Variants in ST8SIA4 observed in about 807,000 individuals in gnomAD.
The protein encoded by ST8SIA4 is CMP-N-acetylneuraminate-poly-alpha-2,8-sialyltransferase.
A neutral mutation model predicts 33.9 loss-of-function variants in ST8SIA4; 15 were observed. The observed-to-expected ratio is 0.44, with a 90% CI of 0.30 to 0.68. The LOEUF is 0.68. ST8SIA4 is among the 30% of genes least tolerant of loss of function. The pLI is 0.10. For synonymous variants in ST8SIA4, 171 were observed against 151.2 expected (o/e 1.13, Z -0.96); for missense variants, 321 against 428.0 (o/e 0.75, Z 2.21).
At position 100,826,129 on chromosome 5, in the gene ST8SIA4, A is replaced by ATT. The variant is rs5869927; in HGVS notation, c.798-14002_798-14001dup. 5.7e-3 allele frequency among the ~76,000 whole-genome samples: 861 copies of ATT among 151,126 alleles called. 4 individuals are homozygous for ATT. The highest frequency in any genetic ancestry group is 9.4e-3 in the Non-Finnish European group (639 of 67,692). On this transcript the variant is annotated intron_variant, in intron 4 of 4. Coordinates refer to ENST00000231461, the MANE Select transcript of ST8SIA4 (RefSeq NM_005668.6). ...CTTTTGGTTGGTTTGGAGCAACTTA[A>ATT]TTTTTTTTTATTATTATGTGGTTCT...
rs184803888 is a variant in ST8SIA4, at chr5:100,849,897, C to A, written c.797+6206G>T. On this transcript the variant is annotated intron_variant, in intron 4 of 4. Coordinates refer to ENST00000231461, the MANE Select transcript of ST8SIA4 (RefSeq NM_005668.6). ...AGTATTTCTAATAAAAACAAAAATTCTTAATTCCAGGCAAATCTAAGGCAG... is the reference window on the plus strand; with the variant it reads ...AGTATTTCTAATAAAAACAAAAATTATTAATTCCAGGCAAATCTAAGGCAG... Among the ~76,000 whole-genome samples, 393 of 152,264 alleles carry A rather than the reference C, an allele frequency of 2.6e-3. 2 individuals are homozygous for A. The highest frequency in any genetic ancestry group is 9.0e-3 in the African/African-American group (372 of 41,564).
At chr5:100,864,549 T>A (rs1191238609) in intron 3 of ST8SIA4, among the ~76,000 whole-genome samples, 1 of 122,252 alleles carries the variant, frequency 8.2e-6, no homozygotes, top group African/African-American at 3.4e-5. Context: ...GACTCCAGCC[T>A]GGGTGACAGA....
chr5:100,903,079 G>T lies in ST8SIA4; in HGVS notation c.-124C>A. ...AAAATGCGAGGAGAGCTTGGAGCCGGGATCCCGGGATCAGATCACTGGGGT... is the reference window on the plus strand; with the variant it reads ...AAAATGCGAGGAGAGCTTGGAGCCGTGATCCCGGGATCAGATCACTGGGGT... On this transcript the variant is annotated 5_prime_UTR_variant, in exon 1 of 5. Coordinates refer to ENST00000231461, the MANE Select transcript of ST8SIA4 (RefSeq NM_005668.6). The T allele has an allele frequency of 1.5e-6, 1 of 678,308 alleles. No individual in the cohort carries two copies. The highest frequency in any genetic ancestry group is 2.5e-6 in the Non-Finnish European group (1 of 392,462). The allele number at this position is 678,308 out of a possible 1,614,324, so 42.0% of individuals were successfully genotyped here.
At chr5:100,849,167 T>A (rs1158649629) in intron 4 of ST8SIA4, 3 of 985,132 alleles carry the variant, frequency 3.0e-6, no homozygotes, top group Admixed American at 6.2e-5. Flanking sequence ...GGACAAGAGT[T>A]TTTTTGTGAC....
At chr5:100,833,944 T>C (rs941615261) in intron 4 of ST8SIA4, among the ~76,000 whole-genome samples, 1 of 152,154 alleles carries the variant, frequency 6.6e-6, no homozygotes, top group African/African-American at 2.4e-5. Context: ...CTAATTCAAA[T>C]GTGCATCCCA....
At chr5:100,812,577 C>T (rs908798691) in intron 4 of ST8SIA4, among the ~76,000 whole-genome samples, 2 of 151,950 alleles carry the variant, frequency 1.3e-5, no homozygotes, top group African/African-American at 2.4e-5. Context: ...ATTAAAAATC[C>T]AAAGAAATAA....
intron 4 of ST8SIA4, 139 bp downstream of exon 4, chr5:100,855,964 A>G (rs1288642306): frequency 2.3e-6 from 2 of 855,798 alleles, no homozygotes; most frequent in East Asian, 2.7e-5. Flanking sequence ...CAAGTTTGTA[A>G]ATAGAGTAAC....
intron 4 of ST8SIA4, among the ~76,000 whole-genome samples, chr5:100,825,568 G>A (rs1239627774): frequency 6.6e-6 from 1 of 152,122 alleles, no homozygotes; most frequent in Admixed American, 6.5e-5. Context: ...TTTAAAGAAA[G>A]CGAAGGATAC....
chr5:100,863,989 C>A (rs1486003177), intron 3 of ST8SIA4, among the ~76,000 whole-genome samples: 1 of 152,140 alleles, frequency 6.6e-6, no homozygotes, highest in Non-Finnish European at 1.5e-5. Context: ...TTAAATCAAA[C>A]TAAAACTTCA....
At chr5:100,820,672 A>G (rs1158227364) in intron 4 of ST8SIA4, among the ~76,000 whole-genome samples, 1 of 152,170 alleles carries the variant, frequency 6.6e-6, no homozygotes, top group Non-Finnish European at 1.5e-5. Flanking sequence ...AGAATACTCT[A>G]GACTTTATTT....
At chr5:100,833,057 G>T (rs1751293474) in intron 4 of ST8SIA4, among the ~76,000 whole-genome samples, 1 of 152,098 alleles carries the variant, frequency 6.6e-6, no homozygotes, top group African/African-American at 2.4e-5. Flanking sequence ...AGGTGAGTCA[G>T]GCAAACTCTG....
chr5:100,808,651 AG>A lies in ST8SIA4; in HGVS notation c.*3195del, dbSNP rs1382244588. ...GTGAATATATATTTTCAAAAGAAAA[AG>A]CTCCACCTATTTCAAGTATGCTTTT... On this transcript the variant is annotated 3_prime_UTR_variant, in exon 5 of 5. Transcript: ENST00000231461. 1.3e-5 allele frequency: 2 copies of A among 152,676 alleles called. No individual in the cohort carries two copies. Among genetic ancestry groups the A allele is most frequent in the African/African-American group, 4.8e-5 (2 of 41,468 alleles). 9.5% of individuals were successfully genotyped at this position (152,676 alleles called of 1,614,324 possible).
At chr5:100,844,535 T>C (rs1212566787) in intron 4 of ST8SIA4, among the ~76,000 whole-genome samples, 1 of 152,010 alleles carries the variant, frequency 6.6e-6, no homozygotes, top group Non-Finnish European at 1.5e-5. Flanking sequence ...CTGCACTGGA[T>C]ACTGGTCTTC....
At chr5:100,819,891 A>G (rs2112402501) in intron 4 of ST8SIA4, among the ~76,000 whole-genome samples, 1 of 152,180 alleles carries the variant, frequency 6.6e-6, no homozygotes, top group East Asian at 1.9e-4. Flanking sequence ...CTCATATTCA[A>G]CACAATGCTG....
intron 1 of ST8SIA4, among the ~76,000 whole-genome samples, chr5:100,896,113 A>C (rs1250013815): frequency 6.6e-6 from 1 of 152,136 alleles, no homozygotes; most frequent in Non-Finnish European, 1.5e-5. Context: ...TACACAAAGG[A>C]ATTGAAATCA....
At chr5:100,889,996 G>T (rs796761172) in intron 2 of ST8SIA4, among the ~76,000 whole-genome samples, 13 of 151,980 alleles carry the variant, frequency 8.6e-5, no homozygotes, top group African/African-American at 3.1e-4. Context: ...GTAAACTTGA[G>T]TGACTCTGGG....
intron 4 of ST8SIA4, chr5:100,816,660 T>C (rs1370753472): frequency 2.0e-6 from 1 of 491,868 alleles, no homozygotes; most frequent in Admixed American, 2.7e-5. Flanking sequence ...GGAATCTCAC[T>C]GTGCCAACAG....
chr5:100,815,032 G>T (rs1233022217), intron 4 of ST8SIA4, among the ~76,000 whole-genome samples: 1 of 151,854 alleles, frequency 6.6e-6, no homozygotes, highest in African/African-American at 2.4e-5. Context: ...TAAAATAATG[G>T]AATATTCACA....
chr5:100,863,110 T>C (rs757316054), intron 3 of ST8SIA4, among the ~76,000 whole-genome samples: 1 of 152,112 alleles, frequency 6.6e-6, no homozygotes, highest in Non-Finnish European at 1.5e-5. Flanking sequence ...TCCCCAAAGG[T>C]AGGGTCTTGG....
Sources: gnomAD v4.1 joint callset for allele counts (sites outside exome capture counted in the v4.1 genomes callset) on GRCh38, gnomAD v4.1.1 for gene constraint, MANE v1.5 for transcripts, NCBI Gene and HGNC (gene_info 2026-07-23, HGNC 2026-07-21) for gene names.